ATRNL1: variants seen among roughly 807,000 people sequenced by gnomAD.
ATRNL1 encodes the protein attractin like 1, also known as attractin-like protein 1.
Under a neutral mutation model 182.7 loss-of-function variants are expected in ATRNL1, and 95 were observed. The ratio of observed to expected loss-of-function variants is 0.52; its 90% confidence interval spans 0.44 to 0.62. ATRNL1 has a LOEUF of 0.62. Among genes scored for constraint, ATRNL1 ranks in the 20% least tolerant of loss-of-function variants. The pLI is 0.00. For synonymous variants in ATRNL1, 576 were observed against 568.3 expected, an observed-to-expected ratio of 1.01 and a Z score of -0.19; for missense variants, 1,471 against 1,679.5, an observed-to-expected ratio of 0.88 and a Z score of 2.17.
chr10:115,520,346 C>A (rs1199433894), intron 25 of ATRNL1, among the ~76,000 whole-genome samples: 4 of 152,214 alleles, frequency 2.6e-5, no homozygotes, highest in Non-Finnish European at 4.4e-5. Context: ...ACCTTCTTCA[C>A]TGGAGTCAGC....
chr10:115,519,357 T>A (rs782174384), intron 25 of ATRNL1, 33 bp downstream of exon 25: 2 of 1,561,148 alleles, frequency 1.3e-6, no homozygotes, highest in East Asian at 2.3e-5. Context: ...TTTGAACTTT[T>A]CAAGCCTGTA....
intron 8 of ATRNL1, among the ~76,000 whole-genome samples, chr10:115,194,962 C>T (rs939460924): frequency 8.6e-5 from 13 of 151,542 alleles, no homozygotes; most frequent in African/African-American, 2.7e-4. Context: ...AGAAAAAAAA[C>T]AAAACAAATA....
chr10:115,779,918 C>T (rs936887147), intron 27 of ATRNL1, among the ~76,000 whole-genome samples: 8 of 152,118 alleles, frequency 5.3e-5, no homozygotes, highest in Admixed American at 3.3e-4. Context: ...AGCAAGATGG[C>T]CATTGATCAT....
At chr10:115,526,967 C>T (rs1456820508) in intron 25 of ATRNL1, among the ~76,000 whole-genome samples, 3 of 152,002 alleles carry the variant, frequency 2.0e-5, no homozygotes, top group African/African-American at 2.4e-5. Context: ...GGAACAGGCC[C>T]GCCTTGGTAT....
At chr10:115,308,646 A>C (rs1159911312) in intron 17 of ATRNL1, among the ~76,000 whole-genome samples, 2 of 152,156 alleles carry the variant, frequency 1.3e-5, no homozygotes, top group Admixed American at 1.3e-4. Context: ...GGATTGCTCC[A>C]ATTAACCATA....
intron 19 of ATRNL1, among the ~76,000 whole-genome samples, chr10:115,368,178 C>T (rs373305853): frequency 6.6e-6 from 1 of 152,234 alleles, no homozygotes; most frequent in African/African-American, 2.4e-5. Context: ...ATCAGCGAGA[C>T]TCCGTGGGCG....
rs78164114 is a variant in ATRNL1 at position 115,505,535 on chromosome 10, A to C, written c.3655-13728A>C. 1.7e-3 allele frequency among the ~76,000 whole-genome samples: 257 copies of C among 152,220 alleles called. 1 individual carries two copies. Among genetic ancestry groups the C allele is most frequent in the African/African-American group, 5.9e-3 (246 of 41,560 alleles). Reference sequence around the variant, plus strand: ...AACAAAAAACAGAAGTTCCTCCCCAAAAGGGAGCTAGGTACCTTCTTTGAT... The same window carrying C: ...AACAAAAAACAGAAGTTCCTCCCCACAAGGGAGCTAGGTACCTTCTTTGAT... On this transcript the variant is annotated intron_variant, in intron 24 of 28. Transcript: ENST00000355044.
intron 28 of ATRNL1, among the ~76,000 whole-genome samples, chr10:115,877,585 C>G (rs1951728816): frequency 6.6e-6 from 1 of 152,166 alleles, no homozygotes; most frequent in Non-Finnish European, 1.5e-5. Context: ...GGGTAAAGTA[C>G]ACTGATGTTT....
chr10:115,356,710 T>A (rs1856519392), intron 19 of ATRNL1, among the ~76,000 whole-genome samples: 1 of 151,892 alleles, frequency 6.6e-6, no homozygotes, highest in Admixed American at 6.6e-5. Flanking sequence ...TCTTCTAATT[T>A]TTATTTGTAC....
At chr10:115,636,215 G>C (rs1285672910) in intron 26 of ATRNL1, among the ~76,000 whole-genome samples, 2 of 152,098 alleles carry the variant, frequency 1.3e-5, no homozygotes, top group African/African-American at 4.8e-5. Context: ...ACAACAAGGA[G>C]ATAAACCTTG....
At chr10:115,650,244 C>T (rs1480941720) in intron 26 of ATRNL1, among the ~76,000 whole-genome samples, 4 of 151,996 alleles carry the variant, frequency 2.6e-5, no homozygotes. Context: ...ACCTTCTTCC[C>T]AATATGTTCA....
At chr10:115,183,559 C>T (rs924828778) in intron 8 of ATRNL1, among the ~76,000 whole-genome samples, 1 of 151,332 alleles carries the variant, frequency 6.6e-6, no homozygotes, top group Non-Finnish European at 1.5e-5. Context: ...CTATCTTGTA[C>T]AACAATGCAA....
chr10:115,105,541 T>C (rs1843969815), intron 1 of ATRNL1, among the ~76,000 whole-genome samples: 1 of 152,236 alleles, frequency 6.6e-6, no homozygotes, highest in African/African-American at 2.4e-5. Flanking sequence ...GTCAGAGATC[T>C]TCGGGGCAGC....
intron 12 of ATRNL1, among the ~76,000 whole-genome samples, chr10:115,268,074 T>C (rs146356300): frequency 2.0e-3 from 297 of 152,198 alleles, no homozygotes; most frequent in African/African-American, 6.7e-3. Context: ...AATGTGTGAA[T>C]TTAAAATGTC....
intron 27 of ATRNL1, among the ~76,000 whole-genome samples, chr10:115,771,117 T>C (rs1376319677): frequency 1.3e-5 from 2 of 152,112 alleles, no homozygotes; most frequent in African/African-American, 4.8e-5. Flanking sequence ...CCTGGTATTA[T>C]GATAAGAAAC....
intron 18 of ATRNL1, among the ~76,000 whole-genome samples, chr10:115,326,456 A>G (rs1854887106): frequency 6.6e-6 from 1 of 152,208 alleles, no homozygotes; most frequent in Non-Finnish European, 1.5e-5. Flanking sequence ...ATGGAAGAAC[A>G]TTCCATGCTC....
chr10:115,533,973 T>C (rs2133757761), intron 25 of ATRNL1, among the ~76,000 whole-genome samples: 1 of 146,084 alleles, frequency 6.8e-6, no homozygotes, highest in South Asian at 2.2e-4. Context: ...GAGAGACAGT[T>C]TGTTATAATT....
intron 26 of ATRNL1, among the ~76,000 whole-genome samples, chr10:115,621,276 T>TATATATATATATATAGAG (rs1268020830): frequency 8.6e-4 from 41 of 47,564 alleles, no homozygotes; most frequent in South Asian, 2.1e-3. Flanking sequence ...TATATATATA[T>TATATATATATATATAGAG]AGAGAGAGAG....
chr10:115,665,382 C>T (rs989055137), intron 26 of ATRNL1, among the ~76,000 whole-genome samples: 5 of 151,954 alleles, frequency 3.3e-5, no homozygotes, highest in Non-Finnish European at 4.4e-5. Flanking sequence ...AATAATTAAC[C>T]AAGACTAGGA....
Sources: allele counts gnomAD v4.1 joint callset (sites outside exome capture counted in the v4.1 genomes callset), GRCh38; gene constraint gnomAD v4.1.1; transcripts MANE v1.5; gene names NCBI Gene and HGNC (gene_info 2026-07-23, HGNC 2026-07-21).